The following USP47 variants were observed in gnomAD, a reference collection of about 807,000 sequenced individuals.
USP47 encodes the protein ubiquitin specific peptidase 47.
USP47 carries 35 observed loss-of-function variants against 165.1 expected under a neutral mutation model. The ratio of observed to expected loss-of-function variants is 0.21; its 90% CI spans 0.16 to 0.28. USP47 has a LOEUF of 0.28. Ranked by LOEUF, USP47 falls within the 10% of genes least tolerant of loss-of-function variation. The pLI is 1.00. For missense variants in USP47, 1,277 were observed against 1,607.4 expected (o/e 0.79, Z 3.52); for synonymous variants, 531 against 544.5 (o/e 0.98, Z 0.35).
chr11:11,929,987 A>G (rs1394672781), intron 12 of USP47, 57 bp from the exon 13 acceptor site: 1 of 1,325,400 alleles, frequency 7.5e-7, no homozygotes, highest in Non-Finnish European at 1.1e-6. Context: ...TTACATATTG[A>G]CGTTAATGTG....
intron 5 of USP47, among the ~76,000 whole-genome samples, chr11:11,900,020 T>C (rs916572797): frequency 7.9e-5 from 12 of 152,126 alleles, no homozygotes; most frequent in African/African-American, 2.9e-4. Flanking sequence ...GTAGCACTAG[T>C]GTAAAAGGAT....
At chr11:11,930,774 G>T in intron 14 of USP47, 23 bp downstream of exon 14, 1 of 1,582,880 alleles carries the variant, frequency 6.3e-7, no homozygotes, top group Non-Finnish European at 8.6e-7. Flanking sequence ...ACAGTTATTT[G>T]ATTTTAATTT....
intron 1 of USP47, among the ~76,000 whole-genome samples, chr11:11,864,507 C>T (rs1478647950): frequency 6.6e-6 from 1 of 151,886 alleles, no homozygotes; most frequent in African/African-American, 2.4e-5. Flanking sequence ...AAAACTGAAA[C>T]CATGTACCTA....
At chr11:11,846,037 A>G (rs1295819607) in intron 1 of USP47, among the ~76,000 whole-genome samples, 1 of 152,098 alleles carries the variant, frequency 6.6e-6, no homozygotes, top group African/African-American at 2.4e-5. Context: ...TCTCTTTTGG[A>G]CATAATCTGG....
At chr11:11,883,975 C>T (rs1184217421) in intron 2 of USP47, among the ~76,000 whole-genome samples, 1 of 152,046 alleles carries the variant, frequency 6.6e-6, no homozygotes, top group Admixed American at 6.6e-5. Flanking sequence ...ATTTTTGTTA[C>T]ATTACATAAT....
intron 25 of USP47, 93 bp from the exon 26 acceptor site, chr11:11,954,804 T>A (rs547513885): frequency 7.2e-7 from 1 of 1,384,116 alleles, no homozygotes; most frequent in East Asian, 2.4e-5. Flanking sequence ...TTTTTTAAAC[T>A]GAGCTATTTC....
intron 5 of USP47, among the ~76,000 whole-genome samples, chr11:11,901,328 A>C (rs1349891846): frequency 6.6e-6 from 1 of 152,232 alleles, no homozygotes; most frequent in East Asian, 1.9e-4. Flanking sequence ...AAAGTGGGGA[A>C]ATAGTAATCT....
intron 11 of USP47, among the ~76,000 whole-genome samples, chr11:11,924,242 A>G (rs1234493599): frequency 6.6e-6 from 1 of 152,096 alleles, no homozygotes; most frequent in African/African-American, 2.4e-5. Context: ...TCATGTATGT[A>G]ATTTTCTTCT....
chr11:11,947,959 G>T lies in USP47; in HGVS notation c.3106G>T (p.Val1036Phe). Residue 1036 changes from valine (V) to phenylalanine (F), a missense_variant, in exon 21 of 28, where the codon GTT becomes TTT. Physicochemically the swap from Val to Phe is conservative, Grantham distance 50. Coordinates refer to ENST00000527733, the MANE Select transcript of USP47 (RefSeq NM_001282659.2). ...TTTGTGCTTAGGGTTGATGGTGCAT[G>T]TTGATAAAAGAATTACTCTGGCAGC... is the stretch of plus-strand genomic sequence containing the variant. ...GEGHKWLMVH[V>F]DKRITLAAFK... The T allele has an allele frequency of 6.2e-7, 1 of 1,607,916 alleles. No individual in the cohort carries two copies. Among genetic ancestry groups the T allele is most frequent in the Non-Finnish European group, 8.5e-7 (1 of 1,178,148 alleles).
chr11:11,933,587 T>C (rs1854834414), intron 15 of USP47, among the ~76,000 whole-genome samples: 1 of 152,118 alleles, frequency 6.6e-6, no homozygotes, highest in Non-Finnish European at 1.5e-5. Flanking sequence ...GGGGAATGAT[T>C]ACATAAATAT....
intron 8 of USP47, among the ~76,000 whole-genome samples, chr11:11,906,707 C>T (rs533908564): frequency 2.8e-4 from 42 of 152,096 alleles, no homozygotes; most frequent in African/African-American, 8.7e-4. Flanking sequence ...TTTAAATGGC[C>T]ATCTAGGTGT....
intron 8 of USP47, among the ~76,000 whole-genome samples, chr11:11,917,395 G>A (rs183244944): frequency 8.7e-4 from 133 of 152,214 alleles, no homozygotes; most frequent in Non-Finnish European, 1.5e-3. Context: ...AAGAGATCAC[G>A]GGCAGCTTCG....
chr11:11,923,039 T>TAC (rs1396215508), intron 11 of USP47, 148 bp downstream of exon 11: 1 of 118,640 alleles, frequency 8.4e-6, no homozygotes, highest in Non-Finnish European at 1.6e-5. Context: ...AGTTTTTTTG[T>TAC]ACATATATAT....
At chr11:11,919,594 G>T (rs1241930504) in intron 8 of USP47, among the ~76,000 whole-genome samples, 1 of 151,736 alleles carries the variant, frequency 6.6e-6, no homozygotes, top group Non-Finnish European at 1.5e-5. Context: ...TTTCCAAATG[G>T]AACAGTATCT....
chr11:11,957,042 A>G lies in USP47; in HGVS notation c.*867A>G, dbSNP rs1847234753. ...AAGTATAGCAATCTATGTAAATGTA[A>G]TCCTCAGTGAGGTTCCTCAGTGCTA... On this transcript the variant is annotated 3_prime_UTR_variant, in exon 28 of 28. Transcript: ENST00000527733. 1 of 152,220 alleles carries G rather than the reference A, an allele frequency of 6.6e-6. No homozygotes were observed. The highest frequency in any genetic ancestry group is 6.5e-5 in the Admixed American group (1 of 15,282). The allele number at this position is 152,220 out of a possible 1,614,324, so 9.4% of individuals were successfully genotyped here. A position where few individuals can be genotyped will look rare whatever the true frequency, so the allele number is the denominator to read the frequency against.
intron 3 of USP47, among the ~76,000 whole-genome samples, chr11:11,891,248 G>A (rs1851492600): frequency 1.3e-5 from 2 of 152,176 alleles, no homozygotes; most frequent in African/African-American, 4.8e-5. Flanking sequence ...GACTTTTTCA[G>A]AATCCTTCTG....
chr11:11,845,665 C>A (rs755247366), intron 1 of USP47, among the ~76,000 whole-genome samples: 6 of 152,102 alleles, frequency 3.9e-5, no homozygotes, highest in Non-Finnish European at 7.4e-5. Context: ...AGTAAATATT[C>A]GTTGATGTGG....
chr11:11,876,084 G>A (rs886426064), intron 1 of USP47, among the ~76,000 whole-genome samples: 18 of 152,128 alleles, frequency 1.2e-4, no homozygotes, highest in South Asian at 4.1e-4. Flanking sequence ...AAAATAAATA[G>A]TTTCAACTTT....
At chr11:11,903,154 C>T in intron 6 of USP47, 109 bp from the exon 7 acceptor site, 1 of 1,068,294 alleles carries the variant, frequency 9.4e-7, no homozygotes. Context: ...TTAAATTTGG[C>T]ATTATTTAAG....
Sources: gnomAD v4.1 joint callset for allele counts (sites outside exome capture counted in the v4.1 genomes callset) on GRCh38, gnomAD v4.1.1 for gene constraint, MANE v1.5 for transcripts, NCBI Gene and HGNC (gene_info 2026-07-23, HGNC 2026-07-21) for gene names.